ASIC2: variants seen among roughly 807,000 people sequenced by gnomAD.
ASIC2 encodes the protein acid sensing ion channel subunit 2, also known as acid-sensing ion channel 2.
A neutral mutation model predicts 57.3 loss-of-function variants in ASIC2; 25 were observed. The observed-to-expected ratio is 0.44, with a 90% CI of 0.32 to 0.61. The LOEUF (loss-of-function observed/expected upper bound fraction) is 0.61. Among genes scored for constraint, ASIC2 ranks in the 20% least tolerant of loss-of-function variants. ASIC2 has a pLI of 0.06. For missense variants in ASIC2, 641 were observed against 738.1 expected (o/e 0.87, Z 1.52); for synonymous variants, 319 against 307.5 (o/e 1.04, Z -0.39).
At chr17:33,873,226 A>C (rs969157448) in intron 1 of ASIC2, among the ~76,000 whole-genome samples, 1 of 152,216 alleles carries the variant, frequency 6.6e-6, no homozygotes, top group African/African-American at 2.4e-5. Context: ...CAAGACGACA[A>C]AGATAAGGAT....
intron 1 of ASIC2, among the ~76,000 whole-genome samples, chr17:33,852,010 C>A (rs1913779831): frequency 6.6e-6 from 1 of 152,228 alleles, no homozygotes; most frequent in African/African-American, 2.4e-5. Context: ...TGAAAGGGAC[C>A]ATTCCGTTCA....
chr17:33,466,170 T>C (rs2141916171), intron 1 of ASIC2, among the ~76,000 whole-genome samples: 1 of 152,210 alleles, frequency 6.6e-6, no homozygotes, highest in South Asian at 2.1e-4. Context: ...TGTGCAAAAA[T>C]CACAAGCATT....
intron 1 of ASIC2, among the ~76,000 whole-genome samples, chr17:33,258,629 C>A (rs908464814): frequency 6.6e-6 from 1 of 152,136 alleles, no homozygotes; most frequent in Non-Finnish European, 1.5e-5. Flanking sequence ...GTTTGTGGAA[C>A]ACAGAGGAGG....
intron 1 of ASIC2, among the ~76,000 whole-genome samples, chr17:33,839,681 G>A (rs367889939): frequency 1.3e-5 from 2 of 152,132 alleles, no homozygotes; most frequent in Admixed American, 6.5e-5. Flanking sequence ...TTGCTGTTAG[G>A]TTCTGCAAAT....
intron 1 of ASIC2, among the ~76,000 whole-genome samples, chr17:33,805,819 C>G (rs1912252162): frequency 6.6e-6 from 1 of 152,174 alleles, no homozygotes; most frequent in Admixed American, 6.5e-5. Flanking sequence ...CCCACCAAAG[C>G]CATTTTTCAG....
chr17:34,019,083 A>AT (rs35033798), intron 1 of ASIC2, among the ~76,000 whole-genome samples: 4 of 151,126 alleles, frequency 2.6e-5, no homozygotes, highest in Admixed American at 1.3e-4. Flanking sequence ...AATTTTTTGT[A>AT]TTTTTTAGTA....
intron 1 of ASIC2, among the ~76,000 whole-genome samples, chr17:34,115,292 CTA>C (rs766667266): frequency 6.6e-5 from 10 of 152,168 alleles, no homozygotes; most frequent in Non-Finnish European, 1.0e-4. Context: ...ACATCTGTAC[CTA>C]TGTTTAAGGA....
intron 1 of ASIC2, among the ~76,000 whole-genome samples, chr17:33,747,955 T>C (rs1453549177): frequency 6.6e-6 from 1 of 152,258 alleles, no homozygotes; most frequent in East Asian, 1.9e-4. Flanking sequence ...TAACATGAGC[T>C]AGACATTCTG....
intron 1 of ASIC2, among the ~76,000 whole-genome samples, chr17:33,853,565 T>A (rs1913832877): frequency 6.6e-6 from 1 of 152,198 alleles, no homozygotes; most frequent in Non-Finnish European, 1.5e-5. Context: ...GTCATCAAGA[T>A]CCTGTAAGAG....
chr17:33,663,151 T>C (rs1907348583), intron 1 of ASIC2, among the ~76,000 whole-genome samples: 1 of 152,204 alleles, frequency 6.6e-6, no homozygotes, highest in African/African-American at 2.4e-5. Flanking sequence ...GCAAGGTAAG[T>C]ATATTTCCCC....
intron 1 of ASIC2, among the ~76,000 whole-genome samples, chr17:34,074,577 A>G (rs1909552327): frequency 6.6e-6 from 1 of 152,060 alleles, no homozygotes; most frequent in Non-Finnish European, 1.5e-5. Flanking sequence ...CCTATCCCAA[A>G]GTATAGCGTT....
In ASIC2 at chr17:33,703,941, A is replaced by G. The variant is rs188709935; in HGVS notation, c.555+452037T>C. ...GGCTTTGGCTTTCACAATCCTATGC[A>G]TCATTCAGACCTAGGTTTTAGTACC... On this transcript the variant is annotated intron_variant, in intron 1 of 9. Coordinates refer to the ASIC2 transcript ENST00000359872. 3.4e-3 allele frequency among the ~76,000 whole-genome samples: 513 copies of G among 152,268 alleles called. 4 individuals are homozygous for G. The highest frequency in any genetic ancestry group is 6.8e-3 in the Middle Eastern group (2 of 294).
At chr17:33,174,727 C>G (rs550979930) in intron 1 of ASIC2, among the ~76,000 whole-genome samples, 18 of 152,182 alleles carry the variant, frequency 1.2e-4, no homozygotes, top group South Asian at 4.2e-4. Flanking sequence ...AGGACACTTT[C>G]AGAGCCCGTG....
intron 1 of ASIC2, among the ~76,000 whole-genome samples, chr17:33,242,356 G>C (rs1908538345): frequency 6.6e-6 from 1 of 151,426 alleles, no homozygotes; most frequent in African/African-American, 2.4e-5. Flanking sequence ...CAATGAATCA[G>C]AAAGTCTTCC....
chr17:33,811,855 G>A (rs987818815), intron 1 of ASIC2, among the ~76,000 whole-genome samples: 1 of 152,178 alleles, frequency 6.6e-6, no homozygotes, highest in Admixed American at 6.5e-5. Context: ...TATCGGTCAT[G>A]TTTGCTCTGA....
At chr17:33,494,710 C>T (rs576651055) in intron 1 of ASIC2, among the ~76,000 whole-genome samples, 3 of 152,226 alleles carry the variant, frequency 2.0e-5, no homozygotes, top group African/African-American at 7.2e-5. Context: ...AAACTTAAGC[C>T]TGTGAAAACA....
chr17:33,442,271 T>A (rs1157598055), intron 1 of ASIC2, among the ~76,000 whole-genome samples: 2 of 152,330 alleles, frequency 1.3e-5, no homozygotes, highest in African/African-American at 4.8e-5. Flanking sequence ...ATCCTTTAAA[T>A]TTTCATATAA....
intron 1 of ASIC2, among the ~76,000 whole-genome samples, chr17:33,155,941 G>A (rs895566507): frequency 6.6e-6 from 1 of 152,138 alleles, no homozygotes; most frequent in African/African-American, 2.4e-5. Flanking sequence ...TGTGGTGGAA[G>A]GATTACAGGC....
At chr17:33,497,558 A>G (rs565087056) in intron 1 of ASIC2, among the ~76,000 whole-genome samples, 1 of 152,344 alleles carries the variant, frequency 6.6e-6, no homozygotes, top group East Asian at 1.9e-4. Context: ...AGCAGTGGAA[A>G]GAATGCAGAG....
Sources: allele counts gnomAD v4.1 joint callset (sites outside exome capture counted in the v4.1 genomes callset), GRCh38; gene constraint gnomAD v4.1.1; transcripts MANE v1.5; gene names NCBI Gene and HGNC (gene_info 2026-07-23, HGNC 2026-07-21).